KDM4A: variants seen among roughly 807,000 people sequenced by gnomAD.
KDM4A encodes lysine demethylase 4A, also known as lysine-specific demethylase 4A.
KDM4A carries 23 observed loss-of-function variants against 127.1 expected under a neutral mutation model. The observed-to-expected ratio is 0.18, with a 90% CI of 0.13 to 0.26. KDM4A has a LOEUF of 0.26. KDM4A is among the 10% of genes least tolerant of loss of function. The pLI, the probability that KDM4A is intolerant of heterozygous loss-of-function variation, is 1.00. For missense variants in KDM4A, 890 were observed against 1,329.1 expected, an observed-to-expected ratio of 0.67 and a Z score of 5.14; for synonymous variants, 443 against 466.5, an observed-to-expected ratio of 0.95 and a Z score of 0.65.
chr1:43,675,491 G>A (rs1009784254), intron 11 of KDM4A, among the ~76,000 whole-genome samples: 1 of 152,204 alleles, frequency 6.6e-6, no homozygotes, highest in East Asian at 1.9e-4. Flanking sequence ...GAATGAAATC[G>A]AAGAGAATCT....
At chr1:43,672,491 GTTTT>G (rs896678586) in intron 11 of KDM4A, among the ~76,000 whole-genome samples, 3 of 138,114 alleles carry the variant, frequency 2.2e-5, no homozygotes, top group Non-Finnish European at 4.7e-5. Context: ...CTGGCCTTTT[GTTTT>G]TTTTTCTTTT....
intron 3 of KDM4A, among the ~76,000 whole-genome samples, chr1:43,657,757 T>C (rs1011058475): frequency 4.9e-4 from 73 of 148,524 alleles, no homozygotes; most frequent in Middle Eastern, 6.9e-3. Flanking sequence ...TTTCTTTTTT[T>C]TTTTTTTTTT....
Position 43,693,920 on chromosome 1 carries a change from T to G in KDM4A, c.2376-74T>G. ...CACCCAGGTGAGGGAGGAAGCGCTG[T>G]CAGCAGGCCCAAAAGAGAAGGCCAC... On this transcript the variant is annotated intron_variant, in intron 16 of 21. Transcript: ENST00000372396. This position sits in a 1 kb window ranked among gnomAD's most constrained non-coding sequence, Gnocchi z 4.2. The G allele has an allele frequency of 8.0e-7, 1 of 1,243,986 alleles. No individual in the cohort carries two copies. The highest frequency in any genetic ancestry group is 1.2e-6 in the Non-Finnish European group (1 of 854,360). 77.1% of individuals were successfully genotyped at this position (1,243,986 alleles called of 1,614,324 possible).
chr1:43,659,416 G>A (rs893929727), intron 3 of KDM4A, among the ~76,000 whole-genome samples: 3 of 152,188 alleles, frequency 2.0e-5, no homozygotes, highest in Non-Finnish European at 2.9e-5. Context: ...CTGGGTTTAA[G>A]TAATTCTCCT....
chr1:43,656,707 C>T (rs926211001), intron 3 of KDM4A, among the ~76,000 whole-genome samples: 1 of 151,378 alleles, frequency 6.6e-6, no homozygotes, highest in Non-Finnish European at 1.5e-5. Flanking sequence ...TTTGTGTTTC[C>T]TTGTTCAGCT....
chr1:43,674,516 C>CTTTT (rs35692956), intron 11 of KDM4A, among the ~76,000 whole-genome samples: 1 of 145,570 alleles, frequency 6.9e-6, no homozygotes. Flanking sequence ...GGCCCTGCTA[C>CTTTT]TTTTTTTTTT....
chr1:43,691,366 T>C (rs867598163), intron 14 of KDM4A, 130 bp from the exon 15 acceptor site: 13 of 833,572 alleles, frequency 1.6e-5, no homozygotes, highest in Middle Eastern at 4.7e-4. Flanking sequence ...GGACTCAGAC[T>C]AAAGAAAACT....
intron 11 of KDM4A, among the ~76,000 whole-genome samples, chr1:43,682,727 G>A (rs897202192): frequency 1.3e-5 from 2 of 152,218 alleles, no homozygotes; most frequent in Admixed American, 6.5e-5. Flanking sequence ...TTTTCTCTTG[G>A]CATTCCAACT....
intron 1 of KDM4A, chr1:43,650,643 GGTT>G (rs1660091426): frequency 6.6e-6 from 1 of 152,458 alleles, no homozygotes; most frequent in Non-Finnish European, 1.5e-5. Flanking sequence ...AGTCCGAGGG[GGTT>G]GTTAGCAACA....
In KDM4A at chr1:43,688,488, T is replaced by C. The variant is rs889194621; in HGVS notation, c.1856-426T>C. Among the ~76,000 whole-genome samples, 11 of 152,204 alleles carry C rather than the reference T, an allele frequency of 7.2e-5. No individual in the cohort carries two copies. Among genetic ancestry groups the C allele is most frequent in the African/African-American group, 2.7e-4 (11 of 41,456 alleles). On this transcript the variant is annotated intron_variant, in intron 12 of 21. Transcript: ENST00000372396. This position sits in a 1 kb window ranked among gnomAD's most constrained non-coding sequence, Gnocchi z 4.4. ...CCTGTTATTTTCCTTCCTTGTTTAG[T>C]TGCACTAAAGGGAAAACTCTAAAAG...
intron 3 of KDM4A, among the ~76,000 whole-genome samples, chr1:43,658,034 T>C (rs1660288039): frequency 6.6e-6 from 1 of 151,290 alleles, no homozygotes; most frequent in African/African-American, 2.4e-5. Flanking sequence ...CCTTTCGTCC[T>C]AATACATAGC....
intron 5 of KDM4A, among the ~76,000 whole-genome samples, chr1:43,663,349 A>G (rs1377736038): frequency 1.3e-5 from 2 of 152,292 alleles, no homozygotes; most frequent in South Asian, 2.1e-4. Context: ...CTTCCAGGCT[A>G]TCCCACTGCT....
In KDM4A at chr1:43,697,846, G is replaced by C. The variant is rs764565517; in HGVS notation, c.2674G>C (p.Ala892Pro). ...FRHKIPNLER[A>P]KGALQSITAG... is the part of the protein sequence containing the mutation. ...CAAAGCCTCTGTTTTTTTCCAGCGT[G>C]CCAAGGGGGCCTTGCAAAGCATCAC... The change falls in exon 19 of 22, where the codon GCC (alanine) becomes CCC (proline). Residue 892 changes from alanine (A) to proline (P), a missense_variant. By Grantham distance (27) the Ala-to-Pro change is conservative. Transcript: ENST00000372396. 99 of 1,608,224 alleles carry C rather than the reference G, an allele frequency of 6.2e-5. 1 individual carries two copies. In the East Asian group the frequency reaches 2.1e-3, roughly 34 times the overall value.
chr1:43,676,765 TTAA>T (rs1417555178), intron 11 of KDM4A, among the ~76,000 whole-genome samples: 2 of 152,222 alleles, frequency 1.3e-5, no homozygotes, highest in Non-Finnish European at 2.9e-5. Flanking sequence ...TGTTGATACT[TTAA>T]TACATTAATT....
chr1:43,677,114 G>C (rs943394992), intron 11 of KDM4A, among the ~76,000 whole-genome samples: 5 of 152,126 alleles, frequency 3.3e-5, no homozygotes, highest in African/African-American at 1.2e-4. Flanking sequence ...GGGAGGCCGA[G>C]GGGGTGGATC....
At chr1:43,687,151 A>G (rs901110515) in intron 12 of KDM4A, among the ~76,000 whole-genome samples, 4 of 152,324 alleles carry the variant, frequency 2.6e-5, no homozygotes, top group Non-Finnish European at 2.9e-5. Context: ...TTACAACTGA[A>G]CGATGGGGCA....
At chr1:43,670,143 G>A (rs555124) in intron 10 of KDM4A, among the ~76,000 whole-genome samples, 5,063 of 152,244 alleles carry the variant, frequency 0.033, 289 homozygotes, top group African/African-American at 0.12. Context: ...TATATTTTAA[G>A]AGAGGGAGTG....
rs145878543 is a variant in KDM4A at position 43,662,786 on chromosome 1, A to G, written c.430-108A>G. 4.0e-4 allele frequency: 364 copies of G among 908,232 alleles called. 3 individuals are homozygous for G. In the African/African-American group the frequency reaches 5.5e-3, roughly 14 times the overall value. The allele number at this position is 908,232 out of a possible 1,614,324, so 56.3% of individuals were successfully genotyped here. On this transcript the variant is annotated intron_variant, in intron 4 of 21. Coordinates refer to ENST00000372396, the MANE Select transcript of KDM4A (RefSeq NM_014663.3). ...CCATAGTGTTTTGACATTATTCCCA[A>G]TGTTTGTCAGAGATGACAGCTTACT...
intron 13 of KDM4A, 112 bp downstream of exon 13, chr1:43,689,207 C>T: frequency 9.5e-7 from 1 of 1,050,530 alleles, no homozygotes. Flanking sequence ...GCCACCTCCA[C>T]CCCCAGCATT....
Sources: allele counts gnomAD v4.1 joint callset (sites outside exome capture counted in the v4.1 genomes callset), GRCh38; gene constraint gnomAD v4.1.1; non-coding constraint Gnocchi (gnomAD v3.1); transcripts MANE v1.5; gene names NCBI Gene and HGNC (gene_info 2026-07-23, HGNC 2026-07-21).